Variants in RXRA observed in about 807,000 individuals in gnomAD.
RXRA encodes retinoid X receptor alpha.
A neutral mutation model predicts 44.5 loss-of-function variants in RXRA; 5 were observed. The ratio of observed to expected loss-of-function variants is 0.11; its 90% CI spans 0.06 to 0.24. The LOEUF is 0.24. RXRA is among the 10% of genes least tolerant of loss of function. The probability of loss-of-function intolerance (pLI) is 1.00; values close to 1 mark genes in which losing one functional copy is unlikely to be tolerated. For synonymous variants in RXRA, 291 were observed against 271.4 expected (o/e 1.07, Z -0.71); for missense variants, 412 against 646.5 (o/e 0.64, Z 3.93).
At chr9:134,386,082 G>A (rs746298677) in intron 1 of RXRA, among the ~76,000 whole-genome samples, 5 of 152,258 alleles carry the variant, frequency 3.3e-5, no homozygotes, top group Non-Finnish European at 5.9e-5. Context: ...GTGGGGGACC[G>A]GGCGGCTCTG....
chr9:134,378,410 G>T (rs1194804674), intron 1 of RXRA, among the ~76,000 whole-genome samples: 1 of 152,166 alleles, frequency 6.6e-6, no homozygotes, highest in Non-Finnish European at 1.5e-5. Flanking sequence ...CACCCAAGAG[G>T]GCTGTGGCCA....
chr9:134,328,713 G>T (rs959247299), intron 1 of RXRA, among the ~76,000 whole-genome samples: 1 of 152,202 alleles, frequency 6.6e-6, no homozygotes, highest in South Asian at 2.1e-4. Flanking sequence ...AGTGGTGGTG[G>T]AGGGCCTGGC....
intron 1 of RXRA, among the ~76,000 whole-genome samples, chr9:134,400,788 C>G (rs996398809): frequency 6.6e-6 from 1 of 152,156 alleles, no homozygotes; most frequent in Non-Finnish European, 1.5e-5. Flanking sequence ...ATGGGCTGCC[C>G]TCTTGTTCCT....
intron 1 of RXRA, among the ~76,000 whole-genome samples, chr9:134,383,974 G>A (rs1564279458): frequency 6.6e-6 from 1 of 152,242 alleles, no homozygotes; most frequent in East Asian, 1.9e-4. Flanking sequence ...TGTTTGTGTT[G>A]TTATTATGAG....
rs56149526 is a variant in RXRA at position 134,405,391 on chromosome 9, C to G, written c.280-2758C>G. On this transcript the variant is annotated intron_variant, in intron 2 of 9. Transcript: ENST00000481739. The stretch of plus-strand genomic sequence containing the variant: ...CCGGGCCCTGGGCTCACTGGGCTAG[C>G]CAGACCCTCTGATATCACTGAGGTC... 1,112 of 152,420 alleles carry G rather than the reference C, an allele frequency of 7.3e-3. 6 individuals are homozygous for G. The highest frequency in any genetic ancestry group is 0.011 in the South Asian group (54 of 4,834). 9.4% of individuals were successfully genotyped at this position (152,420 alleles called of 1,614,324 possible).
At chr9:134,413,716 C>G (rs1410090720) in intron 4 of RXRA, among the ~76,000 whole-genome samples, 1 of 152,188 alleles carries the variant, frequency 6.6e-6, no homozygotes, top group Non-Finnish European at 1.5e-5. Flanking sequence ...TTCCCCAGAC[C>G]CCCTCCCTCC....
At position 134,349,293 on chromosome 9, in the gene RXRA, A is replaced by T. The variant is rs2119040283; in HGVS notation, c.28+22634A>T. Among the ~76,000 whole-genome samples the T allele has an allele frequency of 6.6e-6, 1 of 152,204 alleles. No individual in the cohort carries two copies. The highest frequency in any genetic ancestry group is 2.1e-4 in the South Asian group (1 of 4,828). On this transcript the variant is annotated intron_variant, in intron 1 of 9. Transcript: ENST00000481739. The surrounding 1 kb of genome is among the most constrained non-coding windows in gnomAD (Gnocchi z 4.3). ...GGAGCCCTGCTGACCCCTGTTCTGCACCTGGACAGCCGGGTGTCATTGGTG... is the reference window on the plus strand; with the variant it reads ...GGAGCCCTGCTGACCCCTGTTCTGCTCCTGGACAGCCGGGTGTCATTGGTG...
intron 6 of RXRA, chr9:134,424,097 G>A (rs1831394227): frequency 2.0e-6 from 2 of 985,254 alleles, no homozygotes; most frequent in Admixed American, 1.2e-4. Context: ...GTGGTGGAGT[G>A]CGGTGCTGAG....
chr9:134,337,734 G>A (rs546046229), intron 1 of RXRA, among the ~76,000 whole-genome samples: 16 of 152,114 alleles, frequency 1.1e-4, no homozygotes, highest in Non-Finnish European at 7.4e-5. Context: ...ACTTTGCGTC[G>A]TCGAAGGTTT....
At chr9:134,345,732 C>T (rs1307758319) in intron 1 of RXRA, among the ~76,000 whole-genome samples, 1 of 152,234 alleles carries the variant, frequency 6.6e-6, no homozygotes, top group Non-Finnish European at 1.5e-5. Flanking sequence ...GCTGCTATAT[C>T]TCCCCAGCCC....
chr9:134,403,384 T>C (rs944175399), intron 2 of RXRA: 1 of 152,246 alleles, frequency 6.6e-6, no homozygotes, highest in African/African-American at 2.4e-5. Context: ...GAGGGAGGCC[T>C]GGTCATGTTA....
At chr9:134,413,139 T>C (rs1353317521) in intron 4 of RXRA, among the ~76,000 whole-genome samples, 1 of 152,220 alleles carries the variant, frequency 6.6e-6, no homozygotes, top group Non-Finnish European at 1.5e-5. Context: ...CCTCGCCCAG[T>C]CCTCAGGTTC....
chr9:134,348,679 C>A (rs1830184128), intron 1 of RXRA, among the ~76,000 whole-genome samples: 2 of 152,332 alleles, frequency 1.3e-5, no homozygotes, highest in African/African-American at 4.8e-5. Flanking sequence ...CTACGTACGC[C>A]CTGTCCTCGG....
At chr9:134,358,306 AGCAG>A (rs528438211) in intron 1 of RXRA, among the ~76,000 whole-genome samples, 1,671 of 152,252 alleles carry the variant, frequency 0.011, 26 homozygotes, top group African/African-American at 0.037. Context: ...TTCCTCCGGC[AGCAG>A]GCAGGCAGGC....
At chr9:134,372,542 G>A (rs1166465217) in intron 1 of RXRA, among the ~76,000 whole-genome samples, 2 of 150,852 alleles carry the variant, frequency 1.3e-5, no homozygotes, top group Non-Finnish European at 2.9e-5. Context: ...AGGGCATCAC[G>A]GAGGCCTCCC....
intron 1 of RXRA, among the ~76,000 whole-genome samples, chr9:134,334,665 G>T (rs1312991265): frequency 6.6e-6 from 1 of 152,238 alleles, no homozygotes; most frequent in Non-Finnish European, 1.5e-5. Flanking sequence ...GGGCCCTCTG[G>T]CTGTCAAAGC....
At chr9:134,429,009 G>T (rs3118570) in intron 6 of RXRA, 99 bp from the exon 7 acceptor site, 1,201,109 of 1,460,516 alleles carry the variant, frequency 0.82, 495,853 homozygotes, top group African/African-American at 0.97. Flanking sequence ...AGGATGGGTC[G>T]GTGACATGCT....
chr9:134,355,697 G>C (rs1369241541), intron 1 of RXRA, among the ~76,000 whole-genome samples: 2 of 152,198 alleles, frequency 1.3e-5, no homozygotes, highest in Admixed American at 6.5e-5. Flanking sequence ...CCGCTGGGTG[G>C]GGGAGGTCCT....
intron 1 of RXRA, among the ~76,000 whole-genome samples, chr9:134,347,021 C>T (rs1317704439): frequency 1.3e-5 from 2 of 152,128 alleles, no homozygotes; most frequent in African/African-American, 4.8e-5. Flanking sequence ...GTGGAGGTGG[C>T]AGGCAGGTGG....
Sources: allele counts gnomAD v4.1 joint callset (sites outside exome capture counted in the v4.1 genomes callset), GRCh38; gene constraint gnomAD v4.1.1; non-coding constraint Gnocchi (gnomAD v3.1); transcripts MANE v1.5; gene names NCBI Gene and HGNC (gene_info 2026-07-23, HGNC 2026-07-21).